The following MYT1L variants were observed in gnomAD, a reference collection of about 807,000 sequenced individuals.
The protein encoded by MYT1L is myelin transcription factor 1 like, also known as myelin transcription factor 1-like protein.
A neutral mutation model predicts 126.7 loss-of-function variants in MYT1L; 12 were observed. That is an observed-to-expected ratio of 0.09 (90% CI 0.06 to 0.15). The LOEUF (loss-of-function observed/expected upper bound fraction) is 0.15. MYT1L is among the 10% of genes least tolerant of loss of function. The pLI, the probability that MYT1L is intolerant of heterozygous loss-of-function variation, is 1.00. For missense variants in MYT1L, 979 were observed against 1,585.2 expected (o/e 0.62, Z 6.49); for synonymous variants, 541 against 604.2 (o/e 0.90, Z 1.53).
chr2:1,955,682 A>G lies in MYT1L; in HGVS notation c.153-12348T>C, dbSNP rs186047001. ...ACGTTTGCTCCATGGTATCTCCCCA[A>G]TTTTAATTTCTGTGGCAATGGTCAG... is the stretch of plus-strand genomic sequence containing the variant. On this transcript the variant is annotated intron_variant, in intron 8 of 24. Coordinates refer to ENST00000647738, the MANE Select transcript of MYT1L (RefSeq NM_001303052.2). Among the ~76,000 whole-genome samples, 15 of 152,288 alleles carry G rather than the reference A, an allele frequency of 9.8e-5. No homozygotes were observed. The East Asian group carries it at 2.3e-3, about 24-fold the overall frequency.
chr2:1,812,496 G>A (rs1323982039), intron 21 of MYT1L, among the ~76,000 whole-genome samples: 1 of 152,172 alleles, frequency 6.6e-6, no homozygotes, highest in African/African-American at 2.4e-5. Flanking sequence ...GAGGCCCAGG[G>A]TGAGTGTGAG....
intron 5 of MYT1L, among the ~76,000 whole-genome samples, chr2:1,989,644 G>A (rs1311855488): frequency 1.7e-4 from 26 of 152,158 alleles, no homozygotes; most frequent in Admixed American, 1.4e-3. Context: ...AAAGGGAAAC[G>A]TTTCCTACCT....
chr2:2,223,618 T>G (rs1468781188), intron 2 of MYT1L, among the ~76,000 whole-genome samples: 1 of 152,222 alleles, frequency 6.6e-6, no homozygotes, highest in Non-Finnish European at 1.5e-5. Context: ...CTCCATATAT[T>G]TGACCATTTG....
Position 1,979,802 on chromosome 2 carries a change from A to G in MYT1L, c.1-25T>C, listed in dbSNP as rs1574185204. 3 of 1,613,392 alleles carry G rather than the reference A, an allele frequency of 1.9e-6. No homozygotes were observed. The highest frequency in any genetic ancestry group is 1.7e-6 in the Non-Finnish European group (2 of 1,179,716). The stretch of plus-strand genomic sequence containing the variant: ...TCTGGGGATAGATTAGCAGCCATCA[A>G]TGTGCTTATCCTGCCTGTGCAGGCC... On this transcript the variant is annotated intron_variant, in intron 5 of 24. Coordinates refer to ENST00000647738, the MANE Select transcript of MYT1L (RefSeq NM_001303052.2). This position sits in a 1 kb window ranked among gnomAD's most constrained non-coding sequence, Gnocchi z 4.0.
In MYT1L at chr2:1,922,448, C is replaced by T. The variant is rs780909270; in HGVS notation, c.1321G>A (p.Glu441Lys). ...CTCATGGCCTTTGCTCTTTCCGTTT[C>T]CAAAGCGATGGCTTTCTCCAGCAGG... is the stretch of plus-strand genomic sequence containing the variant. ...LTLLEKAIALETERAKAMREK... is the reference protein window; with the variant it reads ...LTLLEKAIALKTERAKAMREK... The change falls in exon 10 of 25, where the codon GAA becomes AAA. Residue 441 changes from glutamate to lysine, a missense_variant. Around this residue, in one of 12 missense-constraint regions of MYT1L, gnomAD observed 67 missense variants for 80.3 expected, o/e 0.83. Transcript: ENST00000647738. The surrounding 1 kb of genome is among the most constrained non-coding windows in gnomAD (Gnocchi z 7.4). 2 of 1,614,010 alleles carry T rather than the reference C, an allele frequency of 1.2e-6. No homozygotes were observed. The highest frequency in any genetic ancestry group is 1.7e-6 in the Non-Finnish European group (2 of 1,179,894).
chr2:2,045,384 G>A (rs1355299875), intron 4 of MYT1L, among the ~76,000 whole-genome samples: 2 of 152,324 alleles, frequency 1.3e-5, no homozygotes, highest in East Asian at 1.9e-4. Context: ...AGGCCTGGTG[G>A]GAGAGGCTCT....
At chr2:2,270,345 C>G (rs569316198) in intron 2 of MYT1L, among the ~76,000 whole-genome samples, 1 of 152,352 alleles carries the variant, frequency 6.6e-6, no homozygotes, top group East Asian at 1.9e-4. Context: ...GGACTGAGAG[C>G]TGCCTGCATC....
chr2:2,209,580 C>T (rs1480879517), intron 2 of MYT1L, among the ~76,000 whole-genome samples: 2 of 152,156 alleles, frequency 1.3e-5, no homozygotes, highest in Non-Finnish European at 2.9e-5. Flanking sequence ...GACAGAATCT[C>T]ATTCTTTTTT....
At chr2:2,010,128 G>A (rs571169865) in intron 4 of MYT1L, among the ~76,000 whole-genome samples, 1 of 152,290 alleles carries the variant, frequency 6.6e-6, no homozygotes, top group African/African-American at 2.4e-5. Flanking sequence ...GTAAAATGGA[G>A]AGTACACCAA....
intron 4 of MYT1L, among the ~76,000 whole-genome samples, chr2:2,033,754 CCATT>C (rs767438694): frequency 6.6e-6 from 1 of 152,166 alleles, no homozygotes; most frequent in Middle Eastern, 3.2e-3. Context: ...TGTTTTGTCC[CCATT>C]CAGACATGTT....
At chr2:2,046,505 G>A (rs1486062554) in intron 4 of MYT1L, among the ~76,000 whole-genome samples, 1 of 152,150 alleles carries the variant, frequency 6.6e-6, no homozygotes, top group African/African-American at 2.4e-5. Context: ...ATACAAAAAT[G>A]CTTGCTAAGT....
intron 2 of MYT1L, among the ~76,000 whole-genome samples, chr2:2,198,164 A>C (rs927287355): frequency 4.6e-5 from 7 of 152,170 alleles, no homozygotes; most frequent in Non-Finnish European, 8.8e-5. Flanking sequence ...AGCCAGACAC[A>C]GAAAGACAAA....
chr2:1,903,854 T>A (rs1463024761), intron 13 of MYT1L, among the ~76,000 whole-genome samples: 1 of 152,186 alleles, frequency 6.6e-6, no homozygotes, highest in African/African-American at 2.4e-5. Flanking sequence ...TAGTAGTCAT[T>A]TCTTAATGTC....
intron 4 of MYT1L, among the ~76,000 whole-genome samples, chr2:2,031,780 C>T (rs1268171555): frequency 2.7e-5 from 4 of 145,570 alleles, no homozygotes; most frequent in African/African-American, 5.1e-5. Context: ...ACACACCCCT[C>T]GCCAGTGCCT....
At chr2:2,025,714 G>A (rs753787547) in intron 4 of MYT1L, among the ~76,000 whole-genome samples, 1 of 152,180 alleles carries the variant, frequency 6.6e-6, no homozygotes, top group South Asian at 2.1e-4. Context: ...CAAGGGACTC[G>A]TTCACCGAAA....
At chr2:1,983,009 A>T (rs575729104) in intron 5 of MYT1L, among the ~76,000 whole-genome samples, 2 of 152,340 alleles carry the variant, frequency 1.3e-5, no homozygotes, top group African/African-American at 4.8e-5. Flanking sequence ...TCATCCTTTC[A>T]GTATTTTTTA....
At chr2:2,196,403 G>C (rs2092800350) in intron 2 of MYT1L, among the ~76,000 whole-genome samples, 1 of 151,906 alleles carries the variant, frequency 6.6e-6, no homozygotes, top group African/African-American at 2.4e-5. Flanking sequence ...GATACATGTA[G>C]ACATGAACAA....
At chr2:2,246,431 C>A (rs539702096) in intron 2 of MYT1L, among the ~76,000 whole-genome samples, 1 of 152,038 alleles carries the variant, frequency 6.6e-6, no homozygotes, top group Non-Finnish European at 1.5e-5. Context: ...CTGTGTGTGC[C>A]GCAATGGAAC....
chr2:1,842,991 G>GGGAACACCTCCAGGCCA (rs2042012703), intron 19 of MYT1L: 1 of 145,578 alleles, frequency 6.9e-6, no homozygotes, highest in Non-Finnish European at 1.5e-5. Flanking sequence ...CCCCCGGGCT[G>GGGAACACCTCCAGGCCA]GGAACACCTC....
Sources: gnomAD v4.1 joint callset for allele counts (sites outside exome capture counted in the v4.1 genomes callset) on GRCh38, gnomAD v4.1.1 for gene constraint, gnomAD v4.1.1 regional missense constraint, Gnocchi (gnomAD v3.1) non-coding constraint, MANE v1.5 for transcripts, NCBI Gene and HGNC (gene_info 2026-07-23, HGNC 2026-07-21) for gene names.